The following MYO18B variants were observed in gnomAD, a reference collection of about 807,000 sequenced individuals.
The protein encoded by MYO18B is unconventional myosin-XVIIIb.
Under a neutral mutation model 273.0 loss-of-function variants are expected in MYO18B, and 204 were observed. The ratio of observed to expected loss-of-function variants is 0.75; its 90% CI spans 0.67 to 0.84. The LOEUF (loss-of-function observed/expected upper bound fraction) is 0.84, where lower values mean the gene tolerates loss of function less well. Ranked by LOEUF, MYO18B falls within the 40% of genes least tolerant of loss-of-function variation. The pLI, the probability that MYO18B is intolerant of heterozygous loss-of-function variation, is 0.00. For missense variants in MYO18B, 3,212 were observed against 3,287.6 expected (o/e 0.98, Z 0.56); for synonymous variants, 1,330 against 1,305.7 (o/e 1.02, Z -0.40).
At position 25,878,035 on chromosome 22, in the gene MYO18B, T is replaced by G; in HGVS notation, c.4301T>G (p.Leu1434Arg). 1 of 1,580,816 alleles carries G rather than the reference T, an allele frequency of 6.3e-7. No homozygotes were observed. Among genetic ancestry groups the G allele is most frequent in the Non-Finnish European group, 8.6e-7 (1 of 1,162,910 alleles). ...LRNELRQNTDLLESKIADLTS... is the reference protein window; with the variant it reads ...LRNELRQNTDRLESKIADLTS... ...AATGAACTCCGGCAGAACACAGATCTGCTAGAAAGCAAGGTATCCCCATCC... is the reference window on the plus strand; with the variant it reads ...AATGAACTCCGGCAGAACACAGATCGGCTAGAAAGCAAGGTATCCCCATCC... The change falls in exon 25 of 44, where the codon CTG (leucine) becomes CGG (arginine). Residue 1434 changes from leucine (L) to arginine (R), a missense_variant. Physicochemically the swap from Leu to Arg is moderately radical, Grantham distance 102 (BLOSUM62 -2). Transcript: ENST00000335473.
At chr22:25,780,889 C>G (rs1032898415) in intron 9 of MYO18B, among the ~76,000 whole-genome samples, 8 of 152,150 alleles carry the variant, frequency 5.3e-5, no homozygotes, top group Non-Finnish European at 1.0e-4. Context: ...CCGCGTGTGA[C>G]GAACACATGG....
chr22:26,046,169 G>A, the MYO18B span, among the ~76,000 whole-genome samples: 17 of 152,312 alleles, frequency 1.1e-4, no homozygotes, highest in African/African-American at 3.8e-4. Context: ...TTAGGGGATG[G>A]GGGAGATTTT....
chr22:25,835,640 T>C (rs1270146803), intron 17 of MYO18B, among the ~76,000 whole-genome samples, 197 bp downstream of exon 17: 1 of 152,248 alleles, frequency 6.6e-6, no homozygotes, highest in Non-Finnish European at 1.5e-5. Context: ...ATGTGCTGGG[T>C]ACTGTTCCAT....
intron 12 of MYO18B, among the ~76,000 whole-genome samples, chr22:25,805,787 T>A (rs752930806): frequency 2.6e-5 from 4 of 152,130 alleles, no homozygotes; most frequent in Non-Finnish European, 2.9e-5. Context: ...CTCTTGCTAT[T>A]CCCTGCAAGA....
rs1417877985 is a variant in MYO18B, at chr22:26,001,654, C to T, written c.6288-1611C>T. On this transcript the variant is annotated intron_variant, in intron 40 of 43. Transcript: ENST00000335473. ...GGGATAGGGAACCCATTGATGTTGT[C>T]CATACAGATCAGCCCCCTGTGTGGA... 5.9e-5 allele frequency among the ~76,000 whole-genome samples: 9 copies of T among 152,188 alleles called. No homozygotes were observed. The East Asian group carries it at 1.5e-3, about 26-fold the overall frequency.
intron 34 of MYO18B, among the ~76,000 whole-genome samples, chr22:25,941,924 T>C (rs2092649111): frequency 6.6e-6 from 1 of 152,242 alleles, no homozygotes; most frequent in African/African-American, 2.4e-5. Context: ...TGTGTAAACT[T>C]GGCCCATTCT....
At chr22:25,847,813 G>A (rs201089415) in intron 20 of MYO18B, among the ~76,000 whole-genome samples, 161 bp downstream of exon 20, 2 of 152,168 alleles carry the variant, frequency 1.3e-5, no homozygotes, top group East Asian at 1.9e-4. Flanking sequence ...GGCCACTGAT[G>A]CTCAGAGAGG....
chr22:25,903,910 T>C (rs2146349869), intron 31 of MYO18B, 79 bp downstream of exon 31: 2 of 1,456,210 alleles, frequency 1.4e-6, no homozygotes, highest in Middle Eastern at 4.9e-4. Flanking sequence ...ACAATGTGGG[T>C]GCCTCACTTG....
intron 21 of MYO18B, among the ~76,000 whole-genome samples, chr22:25,855,339 G>A (rs919981855): frequency 2.9e-5 from 4 of 139,140 alleles, no homozygotes; most frequent in African/African-American, 8.1e-5. Flanking sequence ...GCTAGAATGC[G>A]GTGGCACGAT....
chr22:25,979,186 T>C (rs2093124346), intron 39 of MYO18B, among the ~76,000 whole-genome samples: 1 of 152,168 alleles, frequency 6.6e-6, no homozygotes, highest in South Asian at 2.1e-4. Context: ...TCACGTGGGC[T>C]AGTGGGCTGA....
At chr22:25,918,260 G>A (rs966985948) in intron 33 of MYO18B, among the ~76,000 whole-genome samples, 4 of 152,198 alleles carry the variant, frequency 2.6e-5, no homozygotes, top group South Asian at 2.1e-4. Flanking sequence ...ATCCCTAACG[G>A]CACTTCTAGA....
intron 15 of MYO18B, among the ~76,000 whole-genome samples, chr22:25,832,071 T>A (rs2089727092): frequency 6.6e-6 from 1 of 152,052 alleles, no homozygotes; most frequent in Non-Finnish European, 1.5e-5. Flanking sequence ...TCCCACACAC[T>A]ACAATGGCTA....
intron 19 of MYO18B, among the ~76,000 whole-genome samples, chr22:25,846,791 CCTT>C (rs1352309973): frequency 1.3e-5 from 2 of 152,134 alleles, no homozygotes; most frequent in African/African-American, 4.8e-5. Flanking sequence ...TTTAAATAAA[CCTT>C]ATAGTGGCCG....
At chr22:25,955,503 CAAG>C (rs2092840166) in intron 39 of MYO18B, 139 bp downstream of exon 39, 1 of 901,146 alleles carries the variant, frequency 1.1e-6, no homozygotes, top group Admixed American at 3.3e-5. Context: ...CCAGGAGAAA[CAAG>C]AAGGGGAGAG....
intron 40 of MYO18B, among the ~76,000 whole-genome samples, chr22:25,997,505 G>A (rs1423949781): frequency 6.6e-6 from 1 of 151,986 alleles, no homozygotes; most frequent in Non-Finnish European, 1.5e-5. Context: ...TTCTCAGCAG[G>A]CCTTGATCCT....
intron 34 of MYO18B, among the ~76,000 whole-genome samples, chr22:25,931,792 C>T (rs181618662): frequency 3.7e-4 from 56 of 150,872 alleles, no homozygotes; most frequent in Middle Eastern, 3.5e-3. Context: ...AAGCAATCCT[C>T]CCACCTCAGC....
At position 25,898,436 on chromosome 22, in the gene MYO18B, C is replaced by T. The variant is rs1335261141; in HGVS notation, c.4798C>T (p.His1600Tyr). ...GCTAGAGAACCAACAAAGTCGAAAC[C>T]ATGAGCTGGAGAAGAAGCAGAAGAA... ...VLLENQQSRN[H>Y]ELEKKQKKFD... Residue 1600 changes from histidine to tyrosine, a missense_variant, in exon 29 of 44, where the codon CAT becomes TAT. By Grantham distance (83) the His-to-Tyr change is moderately conservative. Coordinates refer to ENST00000335473, the MANE Select transcript of MYO18B (RefSeq NM_032608.7). The T allele has an allele frequency of 6.2e-7, 1 of 1,613,668 alleles. No homozygotes were observed. The highest frequency in any genetic ancestry group is 1.3e-5 in the African/African-American group (1 of 74,902).
chr22:25,876,366 C>T, intron 24 of MYO18B, 34 bp downstream of exon 24: 2 of 1,578,550 alleles, frequency 1.3e-6, no homozygotes, highest in Non-Finnish European at 1.7e-6. Flanking sequence ...TGCTGGGTGG[C>T]TACTCCCCAC....
intron 34 of MYO18B, among the ~76,000 whole-genome samples, chr22:25,943,663 G>A (rs2092670585): frequency 6.6e-6 from 1 of 150,848 alleles, no homozygotes; most frequent in African/African-American, 2.4e-5. Flanking sequence ...CTGCTGCCCA[G>A]TGCGCTCTGC....
Sources: allele counts gnomAD v4.1 joint callset (sites outside exome capture counted in the v4.1 genomes callset), GRCh38; gene constraint gnomAD v4.1.1; transcripts MANE v1.5; gene names NCBI Gene and HGNC (gene_info 2026-07-23, HGNC 2026-07-21).